The following NUFIP2 variants were observed in gnomAD, a reference collection of about 807,000 sequenced individuals.
NUFIP2 encodes the protein nuclear FMR1 interacting protein 2.
Under a neutral mutation model 56.9 loss-of-function variants are expected in NUFIP2, and 6 were observed. The observed-to-expected ratio is 0.11, with a 90% CI of 0.06 to 0.21. The LOEUF is 0.21. Ranked by LOEUF, NUFIP2 falls within the 10% of genes least tolerant of loss-of-function variation. NUFIP2 has a pLI of 1.00. For synonymous variants in NUFIP2, 321 were observed against 298.2 expected (o/e 1.08, Z -0.79); for missense variants, 828 against 826.8 (o/e 1.00, Z -0.02).
intron 2 of NUFIP2, among the ~76,000 whole-genome samples, chr17:29,276,015 A>T (rs1456162113): frequency 7.7e-6 from 1 of 130,548 alleles, no homozygotes; most frequent in Admixed American, 7.5e-5. Context: ...GTGACAGAGT[A>T]AGACTCCGTC....
chr17:29,294,119 A>C lies in NUFIP2; in HGVS notation c.-60T>G, dbSNP rs1025213103. 3.9e-6 allele frequency: 6 copies of C among 1,536,860 alleles called. No individual in the cohort carries two copies. The East Asian group carries it at 1.4e-4, about 35-fold the overall frequency. ...GGCTGCTGCACCGTCAGGATCTGAGACTGCTTCTCAGGGCTCACTCAGTAT... is the reference window on the plus strand; with the variant it reads ...GGCTGCTGCACCGTCAGGATCTGAGCCTGCTTCTCAGGGCTCACTCAGTAT... On this transcript the variant is annotated 5_prime_UTR_variant, in exon 1 of 4. Coordinates refer to ENST00000225388, the MANE Select transcript of NUFIP2 (RefSeq NM_020772.3).
chr17:29,270,723 T>C (rs181147733), intron 2 of NUFIP2, among the ~76,000 whole-genome samples: 227 of 152,198 alleles, frequency 1.5e-3, no homozygotes, highest in African/African-American at 5.3e-3. Flanking sequence ...CTCACGCCTG[T>C]AATCCCAGTA....
rs1256947497 is a variant in NUFIP2 at position 29,262,261 on chromosome 17, C to G, written c.*2278G>C. On this transcript the variant is annotated 3_prime_UTR_variant, in exon 4 of 4. Transcript: ENST00000225388. ...AAAAAAGGGGACTAGAGAGGGGAAT[C>G]TGGCCCTAAGGCGACAAGTGGTTAC... 2.0e-5 allele frequency: 3 copies of G among 152,586 alleles called. No individual in the cohort carries two copies. Among genetic ancestry groups the G allele is most frequent in the Non-Finnish European group, 2.9e-5 (2 of 68,016 alleles). 9.5% of individuals were successfully genotyped at this position (152,586 alleles called of 1,614,324 possible).
At chr17:29,276,757 G>A (rs2069110799) in intron 2 of NUFIP2, among the ~76,000 whole-genome samples, 1 of 152,180 alleles carries the variant, frequency 6.6e-6, no homozygotes, top group African/African-American at 2.4e-5. Context: ...GGTGCAGTAA[G>A]TAGATACTGA....
At position 29,256,128 on chromosome 17, in the gene NUFIP2, C is replaced by T. The variant is rs1350950861; in HGVS notation, c.*8411G>A. ...GACTGTTCTTATATGTAGAAAAGAC[C>T]TATATTTTTGACTGGGCAAAACAAA... On this transcript the variant is annotated 3_prime_UTR_variant, in exon 4 of 4. Coordinates refer to ENST00000225388, the MANE Select transcript of NUFIP2 (RefSeq NM_020772.3). 1 of 152,148 alleles carries T rather than the reference C, an allele frequency of 6.6e-6. No individual in the cohort carries two copies. Among genetic ancestry groups the T allele is most frequent in the Non-Finnish European group, 1.5e-5 (1 of 68,016 alleles). 9.4% of individuals were successfully genotyped at this position (152,148 alleles called of 1,614,324 possible). A position where few individuals can be genotyped will look rare whatever the true frequency, so the allele number is the denominator to read the frequency against.
chr17:29,282,619 C>A (rs1349828902), intron 2 of NUFIP2, among the ~76,000 whole-genome samples: 1 of 151,402 alleles, frequency 6.6e-6, no homozygotes, highest in Non-Finnish European at 1.5e-5. Flanking sequence ...AATAGTGCAC[C>A]ATTCTTAAAG....
chr17:29,284,753 G>T (rs1847575480), intron 2 of NUFIP2, among the ~76,000 whole-genome samples: 1 of 148,320 alleles, frequency 6.7e-6, no homozygotes, highest in African/African-American at 2.5e-5. Flanking sequence ...AAAGTTATTA[G>T]CGTGAAACTT....
In NUFIP2 at chr17:29,259,024, A is replaced by G. The variant is rs1029152036; in HGVS notation, c.*5515T>C. The G allele has an allele frequency of 6.6e-6, 1 of 152,248 alleles. No homozygotes were observed. The highest frequency in any genetic ancestry group is 2.4e-5 in the African/African-American group (1 of 41,472). The allele number at this position is 152,248 out of a possible 1,614,324, so 9.4% of individuals were successfully genotyped here. ...ACTAAAGGCATTCATTCATATTTAC[A>G]TATTAAAACCACTTTTGTTAACACC... On this transcript the variant is annotated 3_prime_UTR_variant, in exon 4 of 4. Coordinates refer to ENST00000225388, the MANE Select transcript of NUFIP2 (RefSeq NM_020772.3).
rs1213870734 is a variant in NUFIP2 at position 29,291,672 on chromosome 17, A to AT, written c.277+2110dup. 2.0e-5 allele frequency among the ~76,000 whole-genome samples: 3 copies of AT among 152,202 alleles called. No homozygotes were observed. The East Asian group carries it at 5.8e-4, about 29-fold the overall frequency. On this transcript the variant is annotated intron_variant, in intron 1 of 3. Transcript: ENST00000225388. The stretch of plus-strand genomic sequence containing the variant: ...ATATTAACCTGACCGATGAGATACA[A>AT]TTTTTCAATCTCAACAGTAATATTG...
At chr17:29,271,304 C>T (rs960543336) in intron 2 of NUFIP2, among the ~76,000 whole-genome samples, 3 of 151,950 alleles carry the variant, frequency 2.0e-5, no homozygotes, top group African/African-American at 7.3e-5. Flanking sequence ...TTTGGGAGGC[C>T]GAGGCAGGTG....
Position 29,293,358 on chromosome 17 carries a change from C to T in NUFIP2, c.277+425G>A, listed in dbSNP as rs898758865. The stretch of plus-strand genomic sequence containing the variant: ...CGCCTGCAAAAGGGTCTCGCGACAC[C>T]ATCCGAGTCGGGATTCGCTAGGCCT... On this transcript the variant is annotated intron_variant, in intron 1 of 3. Coordinates refer to ENST00000225388, the MANE Select transcript of NUFIP2 (RefSeq NM_020772.3). Among the ~76,000 whole-genome samples the T allele has an allele frequency of 3.9e-5, 6 of 152,052 alleles. 1 individual carries two copies. The highest frequency in any genetic ancestry group is 1.4e-4 in the African/African-American group (6 of 41,418).
At position 29,287,179 on chromosome 17, in the gene NUFIP2, C is replaced by T. The variant is rs2069182327; in HGVS notation, c.815G>A (p.Arg272Gln). ...CCAAATGGGCTTCGAACCATCTACT[C>T]GATTTCCCTTTTGTTCACTATAGTC... The part of the protein sequence containing the change: ...KPDYSEQKGN[R>Q]VDGSKPIWKY... Residue 272 changes from arginine to glutamine, a missense_variant, in exon 2 of 4, where the codon CGA (arginine) becomes CAA (glutamine). Physicochemically the swap from Arg to Gln is conservative, Grantham distance 43. Around this residue, in one of 3 missense-constraint regions of NUFIP2, gnomAD observed 415 missense variants for 408.7 expected, o/e 1.02. Transcript: ENST00000225388. 1.2e-6 allele frequency: 2 copies of T among 1,614,162 alleles called. No individual in the cohort carries two copies. The highest frequency in any genetic ancestry group is 8.5e-7 in the Non-Finnish European group (1 of 1,180,028).
At chr17:29,265,598 G>A (rs567126774) in intron 3 of NUFIP2, among the ~76,000 whole-genome samples, 411 of 147,146 alleles carry the variant, frequency 2.8e-3, no homozygotes, top group African/African-American at 9.5e-3. Context: ...CACCGCGCCC[G>A]GCCAGGGAAC....
At chr17:29,289,383 A>G (rs2069197186) in intron 1 of NUFIP2, among the ~76,000 whole-genome samples, 1 of 152,088 alleles carries the variant, frequency 6.6e-6, no homozygotes, top group Non-Finnish European at 1.5e-5. Flanking sequence ...ATTTGAGGTC[A>G]GGAGTTCAGG....
chr17:29,271,921 A>G (rs1478433948), intron 2 of NUFIP2, among the ~76,000 whole-genome samples: 1 of 151,452 alleles, frequency 6.6e-6, no homozygotes, highest in African/African-American at 2.4e-5. Flanking sequence ...AAACACAAAA[A>G]AGTTAGCCAA....
At chr17:29,291,035 CAAAAAAA>C (rs60000691) in intron 1 of NUFIP2, among the ~76,000 whole-genome samples, 26 of 72,446 alleles carry the variant, frequency 3.6e-4, no homozygotes, top group Admixed American at 3.1e-3. Flanking sequence ...GTTTTAATAA[CAAAAAAA>C]AAAAAAAAAA....
At chr17:29,272,557 A>T (rs1218165664) in intron 2 of NUFIP2, among the ~76,000 whole-genome samples, 1 of 152,088 alleles carries the variant, frequency 6.6e-6, no homozygotes, top group African/African-American at 2.4e-5. Context: ...TGTGTGATTT[A>T]ATGTTTTGAC....
intron 2 of NUFIP2, among the ~76,000 whole-genome samples, chr17:29,285,135 A>G (rs558386269): frequency 6.6e-6 from 1 of 152,036 alleles, no homozygotes; most frequent in African/African-American, 2.4e-5. Context: ...ACCCGTGTCT[A>G]CTGAAAATAC....
intron 2 of NUFIP2, among the ~76,000 whole-genome samples, chr17:29,272,294 G>A (rs1225938396): frequency 6.8e-6 from 1 of 147,386 alleles, no homozygotes; most frequent in Non-Finnish European, 1.5e-5. Flanking sequence ...AGGCTGGAGT[G>A]CAGTGGCGCT....
Sources: gnomAD v4.1 joint callset for allele counts (sites outside exome capture counted in the v4.1 genomes callset) on GRCh38, gnomAD v4.1.1 for gene constraint, gnomAD v4.1.1 regional missense constraint, MANE v1.5 for transcripts, NCBI Gene and HGNC (gene_info 2026-07-23, HGNC 2026-07-21) for gene names.